The following ESR1 variants were observed in gnomAD, a reference collection of about 807,000 sequenced individuals.
ESR1 encodes estrogen receptor 1, also known as estrogen receptor.
ESR1 carries 12 observed loss-of-function variants against 52.7 expected under a neutral mutation model. The ratio of observed to expected loss-of-function variants is 0.23; its 90% confidence interval spans 0.15 to 0.37. The LOEUF is 0.37. ESR1 is among the 10% of genes least tolerant of loss of function. The pLI is 1.00. For missense variants in ESR1, 584 were observed against 779.7 expected (o/e 0.75, Z 2.99); for synonymous variants, 305 against 316.8 (o/e 0.96, Z 0.39).
At position 152,094,293 on chromosome 6, in the gene ESR1, C is replaced by T; in HGVS notation, c.1370-92C>T. 9.3e-7 allele frequency: 1 copy of T among 1,080,490 alleles called. No individual in the cohort carries two copies. Among genetic ancestry groups the T allele is most frequent in the Non-Finnish European group, 1.4e-6 (1 of 695,108 alleles). 66.9% of individuals were successfully genotyped at this position (1,080,490 alleles called of 1,614,324 possible). ...TAGACTACTGTGCTGAGGAAGGGCACTGGCTCATTGTTACATCCCATGAAC... is the reference window on the plus strand; with the variant it reads ...TAGACTACTGTGCTGAGGAAGGGCATTGGCTCATTGTTACATCCCATGAAC... On this transcript the variant is annotated intron_variant, in intron 6 of 7. Coordinates refer to ENST00000206249, the MANE Select transcript of ESR1 (RefSeq NM_000125.4). The surrounding 1 kb of genome is among the most constrained non-coding windows in gnomAD (Gnocchi z 4.6).
upstream of ESR1, among the ~76,000 whole-genome samples, chr6:151,802,381 C>T (rs1187257355): frequency 1.3e-5 from 2 of 152,184 alleles, no homozygotes; most frequent in East Asian, 1.9e-4. Flanking sequence ...TGAACACAGA[C>T]AAACCTTCAT....
chr6:151,698,661 T>G (rs1397562274), intron 1 of ESR1, among the ~76,000 whole-genome samples: 1 of 152,096 alleles, frequency 6.6e-6, no homozygotes, highest in African/African-American at 2.4e-5. Context: ...GAGCAACAAT[T>G]TAAAAAGAAA....
chr6:152,009,415 C>T (rs1384443936), intron 4 of ESR1, among the ~76,000 whole-genome samples: 1 of 152,026 alleles, frequency 6.6e-6, no homozygotes, highest in Non-Finnish European at 1.5e-5. Context: ...CAGATACATG[C>T]ATGATTAATT....
rs1431332119 is a variant in ESR1, at chr6:152,065,644, C to T, written c.1369+4520C>T. ...TCTACTTCTCTCCCTGGAGAACCAG[C>T]CAGACCATGATTCCAGCCCTCTGTC... On this transcript the variant is annotated intron_variant, in intron 6 of 7. Transcript: ENST00000206249. Among the ~76,000 whole-genome samples, 2 of 152,166 alleles carry T rather than the reference C, an allele frequency of 1.3e-5. 1 individual carries two copies. The highest frequency in any genetic ancestry group is 2.9e-5 in the Non-Finnish European group (2 of 68,040).
In ESR1 at chr6:151,807,973, A is replaced by G. The variant is rs1778149215; in HGVS notation, c.61A>G (p.Asn21Asp). Reference sequence around the variant, plus strand: ...GGCCCTACTGCATCAGATCCAAGGGAACGAGCTGGAGCCCCTGAACCGTCC... The same window carrying G: ...GGCCCTACTGCATCAGATCCAAGGGGACGAGCTGGAGCCCCTGAACCGTCC... Reference protein sequence around the residue: ...GMALLHQIQGNELEPLNRPQL... With the variant: ...GMALLHQIQGDELEPLNRPQL... The change falls in exon 1 of 8, where the codon AAC becomes GAC. Residue 21 changes from asparagine to aspartate, a missense_variant. By Grantham distance (23) the Asn-to-Asp change is conservative (BLOSUM62 1). Transcript: ENST00000206249. 6.2e-7 allele frequency: 1 copy of G among 1,613,816 alleles called. No homozygotes were observed. Among genetic ancestry groups the G allele is most frequent in the African/African-American group, 1.3e-5 (1 of 74,894 alleles).
chr6:151,964,798 C>T (rs545622167), intron 4 of ESR1, among the ~76,000 whole-genome samples: 61 of 152,176 alleles, frequency 4.0e-4, no homozygotes, highest in Non-Finnish European at 7.4e-4. Flanking sequence ...CCCGCCACCA[C>T]GCCCAGCTAA....
At chr6:151,662,584 A>G (rs992957509) in intron 1 of ESR1, among the ~76,000 whole-genome samples, 3 of 152,238 alleles carry the variant, frequency 2.0e-5, no homozygotes, top group East Asian at 3.9e-4. Context: ...TTATCCCTCA[A>G]CCCTGCACCA....
chr6:151,760,463 CTTCTT>C (rs1406430338), intron 2 of ESR1, among the ~76,000 whole-genome samples: 1 of 152,216 alleles, frequency 6.6e-6, no homozygotes, highest in Non-Finnish European at 1.5e-5. Flanking sequence ...AATCTTCTGT[CTTCTT>C]TTCTCTGTGT....
rs2050471904 is a variant in ESR1 at position 152,094,683 on chromosome 6, A to G, written c.1553+115A>G. Reference sequence around the variant, plus strand: ...TGCATATGGAGAGTGCACTTGTGACAGTTCCTGGCATAGAATAAGCATAAA... The same window carrying G: ...TGCATATGGAGAGTGCACTTGTGACGGTTCCTGGCATAGAATAAGCATAAA... On this transcript the variant is annotated intron_variant, in intron 7 of 7. Transcript: ENST00000206249. The surrounding 1 kb of genome is among the most constrained non-coding windows in gnomAD (Gnocchi z 4.6). The G allele has an allele frequency of 6.5e-6, 6 of 919,916 alleles. No individual in the cohort carries two copies. Among genetic ancestry groups the G allele is most frequent in the Admixed American group, 4.0e-5 (2 of 50,024 alleles). The allele number at this position is 919,916 out of a possible 1,614,324, so 57.0% of individuals were successfully genotyped here.
intron 2 of ESR1, among the ~76,000 whole-genome samples, chr6:151,778,834 C>T (rs575001424): frequency 6.6e-4 from 100 of 152,136 alleles, no homozygotes; most frequent in African/African-American, 2.3e-3. Context: ...ACTTTTTTTG[C>T]CAAAAAATTT....
Position 151,808,139 on chromosome 6 carries a change from C to A in ESR1, c.227C>A (p.Thr76Asn), listed in dbSNP as rs746640340. The A allele has an allele frequency of 1.2e-6, 2 of 1,605,356 alleles. No homozygotes were observed. The highest frequency in any genetic ancestry group is 1.7e-4 in the Middle Eastern group (1 of 6,046). Residue 76 changes from threonine to asparagine, a missense_variant, in exon 1 of 8, where the codon ACC (threonine) becomes AAC (asparagine). Thr to Asn is a moderately conservative substitution (Grantham distance 65). Transcript: ENST00000206249. ...AAANAQVYGQ[T>N]GLPYGPGSEA... ...GCCAACGCGCAGGTCTACGGTCAGA[C>A]CGGCCTCCCCTACGGCCCCGGGTCT...
chr6:151,976,916 A>G (rs1457178181), intron 4 of ESR1, among the ~76,000 whole-genome samples: 2 of 152,098 alleles, frequency 1.3e-5, no homozygotes, highest in Non-Finnish European at 2.9e-5. Context: ...AAATAAATCT[A>G]CCACTAAATA....
chr6:152,081,652 A>T (rs1312995467), intron 6 of ESR1, among the ~76,000 whole-genome samples: 1 of 151,882 alleles, frequency 6.6e-6, no homozygotes, highest in Admixed American at 6.6e-5. Context: ...AGACAGAGAC[A>T]CAAAAAGCCG....
chr6:152,055,899 A>G lies in ESR1; in HGVS notation c.1236-5092A>G, dbSNP rs376007784. Among the ~76,000 whole-genome samples the G allele has an allele frequency of 3.4e-4, 52 of 152,268 alleles. 1 individual carries two copies. Among genetic ancestry groups the G allele is most frequent in the African/African-American group, 9.6e-4 (40 of 41,556 alleles). On this transcript the variant is annotated intron_variant, in intron 5 of 7. Coordinates refer to ENST00000206249, the MANE Select transcript of ESR1 (RefSeq NM_000125.4). ...ACTTCTAGTACCAATTTCTTTTTTA[A>G]TCTACATGGGCTAACTGCTGTATCA...
rs565461956 is a variant in ESR1, at chr6:152,001,749, C to T, written c.1097-9907C>T. The stretch of plus-strand genomic sequence containing the variant: ...CTGACTTCAAAGGTGGGGTGGAAGA[C>T]ACTGAAATGAATTTTTCTCCTTTCT... On this transcript the variant is annotated intron_variant, in intron 4 of 7. Transcript: ENST00000206249. Among the ~76,000 whole-genome samples the T allele has an allele frequency of 6.6e-5, 10 of 152,098 alleles. No individual in the cohort carries two copies. In the East Asian group the frequency reaches 1.6e-3, roughly 24 times the overall value.
At chr6:151,958,755 C>T (rs1282177970) in intron 4 of ESR1, among the ~76,000 whole-genome samples, 9 of 152,142 alleles carry the variant, frequency 5.9e-5, no homozygotes, top group South Asian at 4.1e-4. Context: ...GAGAGAACAA[C>T]GTGGTTTTGA....
In ESR1 at chr6:151,880,181, G is replaced by GTTTTTTTT. The variant is rs71017515; in HGVS notation, c.644-462_644-455dup. ...AAGTCCACGGGAGGTTTTTTGTTCT[G>GTTTTTTTT]TTTTTTTTTTTTTTTTTTTGAGATG... On this transcript the variant is annotated intron_variant, in intron 2 of 7. Transcript: ENST00000206249. Among the ~76,000 whole-genome samples the GTTTTTTTT allele has an allele frequency of 8.3e-4, 96 of 116,344 alleles. 1 individual carries two copies. The highest frequency in any genetic ancestry group is 1.1e-3 in the Non-Finnish European group (68 of 59,824). 76.3% of individuals were successfully genotyped at this position (116,344 alleles called of 152,430 possible).
At chr6:151,995,883 A>G (rs1275725918) in intron 4 of ESR1, among the ~76,000 whole-genome samples, 2 of 152,144 alleles carry the variant, frequency 1.3e-5, no homozygotes, top group Non-Finnish European at 2.9e-5. Context: ...CCTATGAGGA[A>G]AGTGCTTTTT....
intron 2 of ESR1, among the ~76,000 whole-genome samples, chr6:151,719,945 A>T (rs1212405944): frequency 6.6e-6 from 1 of 152,190 alleles, no homozygotes; most frequent in Non-Finnish European, 1.5e-5. Flanking sequence ...TTGACTTAGG[A>T]TACTAGTCTG....
Sources: gnomAD v4.1 joint callset for allele counts (sites outside exome capture counted in the v4.1 genomes callset) on GRCh38, gnomAD v4.1.1 for gene constraint, Gnocchi (gnomAD v3.1) non-coding constraint, MANE v1.5 for transcripts, NCBI Gene and HGNC (gene_info 2026-07-23, HGNC 2026-07-21) for gene names.